The following ATAD2 variants were observed in gnomAD, a reference collection of about 807,000 sequenced individuals.
The protein encoded by ATAD2 is ATPase family AAA domain-containing protein 2.
A neutral mutation model predicts 168.9 loss-of-function variants in ATAD2; 62 were observed. The ratio of observed to expected loss-of-function variants is 0.37; its 90% CI spans 0.30 to 0.45. The LOEUF (loss-of-function observed/expected upper bound fraction) is 0.45, where lower values mean the gene tolerates loss of function less well. ATAD2 is among the 20% of genes least tolerant of loss of function. The pLI, the probability that ATAD2 is intolerant of heterozygous loss-of-function variation, is 1.00. For synonymous variants in ATAD2, 613 were observed against 571.6 expected (o/e 1.07, Z -1.03); for missense variants, 1,419 against 1,667.8 (o/e 0.85, Z 2.60).
At chr8:123,354,864 A>AAT (rs1251736641) in intron 13 of ATAD2, among the ~76,000 whole-genome samples, 1,091 of 64,672 alleles carry the variant, frequency 0.017, 32 homozygotes, top group Admixed American at 0.03. Context: ...AAAAAAAAAA[A>AAT]ATATATATAT....
At chr8:123,414,023 C>T (rs547716190) in intron 1 of ATAD2, among the ~76,000 whole-genome samples, 10 of 119,270 alleles carry the variant, frequency 8.4e-5, no homozygotes, top group South Asian at 2.9e-4. Flanking sequence ...GTGGTGGGGG[C>T]GGAGGTTGCA....
rs895656771 is a variant in ATAD2 at position 123,402,698 on chromosome 8, G to A, written c.-2281-1523C>T. Among the ~76,000 whole-genome samples, 1 of 152,110 alleles carries A rather than the reference G, an allele frequency of 6.6e-6. No individual in the cohort carries two copies. The highest frequency in any genetic ancestry group is 2.4e-5 in the African/African-American group (1 of 41,400). On this transcript the variant is annotated intron_variant, in intron 1 of 28. Coordinates refer to the ATAD2 transcript ENST00000521903. The surrounding 1 kb of genome is among the most constrained non-coding windows in gnomAD (Gnocchi z 4.8). ...TCCTGACTCACCACCGTCCCCAGGT[G>A]TACCATTCCTGCCCTCTCCTCAGCT...
At chr8:123,393,675 G>A (rs927382619) in intron 1 of ATAD2, among the ~76,000 whole-genome samples, 3 of 152,028 alleles carry the variant, frequency 2.0e-5, no homozygotes, top group Non-Finnish European at 2.9e-5. Flanking sequence ...CCAGCACTTC[G>A]GGAGGCTGAG....
At chr8:123,372,892 C>CTT (rs766308467) in intron 2 of ATAD2, among the ~76,000 whole-genome samples, 14 of 137,942 alleles carry the variant, frequency 1.0e-4, no homozygotes, top group Admixed American at 2.2e-4. Context: ...ATCCAGCTAA[C>CTT]TTTTTTTTTT....
At chr8:123,387,032 C>T (rs1466846918) in intron 1 of ATAD2, among the ~76,000 whole-genome samples, 1 of 152,064 alleles carries the variant, frequency 6.6e-6, no homozygotes, top group Non-Finnish European at 1.5e-5. Flanking sequence ...GCAATACATG[C>T]CCATTATTAC....
At chr8:123,333,002 C>A (rs1462658195) in intron 24 of ATAD2, among the ~76,000 whole-genome samples, 1 of 151,742 alleles carries the variant, frequency 6.6e-6, no homozygotes, top group Non-Finnish European at 1.5e-5. Context: ...AATCAATTAC[C>A]CGAGGATGGA....
intron 2 of ATAD2, among the ~76,000 whole-genome samples, chr8:123,375,060 T>G (rs1056401471): frequency 6.6e-6 from 1 of 152,162 alleles, no homozygotes; most frequent in African/African-American, 2.4e-5. Context: ...TAGTCAGGCA[T>G]GCTGACAACA....
intron 1 of ATAD2, among the ~76,000 whole-genome samples, chr8:123,382,001 G>A (rs575257069): frequency 1.3e-5 from 2 of 152,200 alleles, no homozygotes; most frequent in African/African-American, 2.4e-5. Context: ...AGCAGAGATC[G>A]TGCCACTGCA....
At chr8:123,371,181 A>T (rs1436603374) in intron 5 of ATAD2, 55 bp downstream of exon 5, 12 of 1,395,164 alleles carry the variant, frequency 8.6e-6, no homozygotes, top group Non-Finnish European at 1.2e-5. Context: ...ATTAGGTACT[A>T]TAAAAAAATT....
At position 123,346,659 on chromosome 8, in the gene ATAD2, A is replaced by G; in HGVS notation, c.2304T>C (p.Ser768=). 1 of 1,584,922 alleles carries G rather than the reference A, an allele frequency of 6.3e-7. No individual in the cohort carries two copies. The highest frequency in any genetic ancestry group is 8.6e-7 in the Non-Finnish European group (1 of 1,164,320). ...VYENGLSQKS[S]HKAKDNFNFL... is the part of the protein sequence containing the mutation. Reference sequence around the variant, plus strand: ...AATTAAAATTGTCTTTTGCCTTATGAGAAGATTTCTGAGAAAGTCCATTTT... The same window carrying G: ...AATTAAAATTGTCTTTTGCCTTATGGGAAGATTTCTGAGAAAGTCCATTTT... Residue 768 remains serine, a synonymous_variant, in exon 17 of 28, where the codon TCT becomes TCC. Transcript: ENST00000287394.
intron 24 of ATAD2, among the ~76,000 whole-genome samples, chr8:123,330,756 T>A (rs1193098163): frequency 1.3e-5 from 2 of 152,222 alleles, no homozygotes; most frequent in African/African-American, 4.8e-5. Flanking sequence ...TATAATGACT[T>A]CATTTTTTCT....
intron 25 of ATAD2, among the ~76,000 whole-genome samples, chr8:123,327,083 A>C (rs1339703200): frequency 6.6e-6 from 1 of 151,974 alleles, no homozygotes; most frequent in Non-Finnish European, 1.5e-5. Flanking sequence ...TAATTTTTGT[A>C]TTTTTAGTAG....
intron 11 of ATAD2, among the ~76,000 whole-genome samples, 158 bp downstream of exon 11, chr8:123,359,063 T>C (rs1828732447): frequency 4.6e-5 from 7 of 152,192 alleles, no homozygotes; most frequent in African/African-American, 2.4e-5. Flanking sequence ...TTATTTAAAT[T>C]ACTGCTTCTA....
intron 1 of ATAD2, among the ~76,000 whole-genome samples, chr8:123,383,205 G>T (rs1829541472): frequency 6.6e-6 from 1 of 152,018 alleles, no homozygotes; most frequent in Admixed American, 6.6e-5. Flanking sequence ...GGGAGTGGGG[G>T]GCATGAGGAG....
Position 123,328,584 on chromosome 8 carries a change from A to C in ATAD2, c.3479-5T>G. The C allele has an allele frequency of 6.6e-7, 1 of 1,505,802 alleles. No homozygotes were observed. The highest frequency in any genetic ancestry group is 1.4e-5 in the South Asian group (1 of 70,020). 93.3% of individuals were successfully genotyped at this position (1,505,802 alleles called of 1,614,324 possible). On this transcript the variant is annotated splice_region_variant and splice_polypyrimidine_tract_variant and intron_variant, in intron 24 of 27. Coordinates refer to ENST00000287394, the MANE Select transcript of ATAD2 (RefSeq NM_014109.4). ...GAATTTTCCTCTTCAACTGAGCTTC[A>C]AGAAATTTAAAGAAAAATGATGAAA...
In ATAD2 at chr8:123,391,807, A is replaced by G. The variant is rs1829833147; in HGVS notation, c.171+4380T>C. On this transcript the variant is annotated intron_variant, in intron 1 of 27. Coordinates refer to ENST00000287394, the MANE Select transcript of ATAD2 (RefSeq NM_014109.4). ...CATTTTTGGTACTGATGGGCTTGTC[A>G]GTATGAATACATTACCCCTAAAGAC... is the stretch of plus-strand genomic sequence containing the variant. Among the ~76,000 whole-genome samples the G allele has an allele frequency of 2.6e-5, 4 of 152,234 alleles. No homozygotes were observed. In the South Asian group the frequency reaches 8.3e-4, roughly 32 times the overall value.
intron 1 of ATAD2, among the ~76,000 whole-genome samples, chr8:123,384,091 A>AAG (rs1829577223): frequency 6.6e-6 from 1 of 151,926 alleles, no homozygotes; most frequent in Non-Finnish European, 1.5e-5. Flanking sequence ...AAAAAAAAAA[A>AAG]AAAGAAAGAA....
At chr8:123,327,143 G>A (rs1052733389) in intron 25 of ATAD2, among the ~76,000 whole-genome samples, 5 of 151,932 alleles carry the variant, frequency 3.3e-5, no homozygotes, top group Admixed American at 6.6e-5. Flanking sequence ...TCCTGACCTC[G>A]TGATCCACCC....
At chr8:123,413,679 T>C (rs928814081) in intron 1 of ATAD2, among the ~76,000 whole-genome samples, 13 of 152,122 alleles carry the variant, frequency 8.5e-5, no homozygotes, top group African/African-American at 3.1e-4. Context: ...TAGAGACAGA[T>C]TGAGTTGCTG....
Sources: allele counts gnomAD v4.1 joint callset (sites outside exome capture counted in the v4.1 genomes callset), GRCh38; gene constraint gnomAD v4.1.1; non-coding constraint Gnocchi (gnomAD v3.1); transcripts MANE v1.5; gene names NCBI Gene and HGNC (gene_info 2026-07-23, HGNC 2026-07-21).